The following ARHGEF1 variants were observed in gnomAD, a reference collection of about 807,000 sequenced individuals.
ARHGEF1 encodes Rho guanine nucleotide exchange factor 1.
Under a neutral mutation model 119.7 loss-of-function variants are expected in ARHGEF1, and 40 were observed. The observed-to-expected ratio is 0.33, with a 90% CI of 0.26 to 0.44. The LOEUF (loss-of-function observed/expected upper bound fraction) is 0.44, where lower values mean the gene tolerates loss of function less well. ARHGEF1 is among the 20% of genes least tolerant of loss of function. The probability of loss-of-function intolerance (pLI) is 1.00; values close to 1 mark genes in which losing one functional copy is unlikely to be tolerated. For missense variants in ARHGEF1, 976 were observed against 1,268.3 expected (o/e 0.77, Z 3.50); for synonymous variants, 494 against 521.0 (o/e 0.95, Z 0.71).
rs1050518113 is a variant in ARHGEF1, at chr19:41,883,196, C to T, written c.-113C>T. On this transcript the variant is annotated 5_prime_UTR_variant, in exon 1 of 29. Coordinates refer to ENST00000354532, the MANE Select transcript of ARHGEF1 (RefSeq NM_004706.4). This position sits in a 1 kb window ranked among gnomAD's most constrained non-coding sequence, Gnocchi z 7.6. Reference sequence around the variant, plus strand: ...GGAAAAACGCCCCGACTTCCTGCCCCGCCAGAGCCAGGAAGCGGGAGCCGG... The same window carrying T: ...GGAAAAACGCCCCGACTTCCTGCCCTGCCAGAGCCAGGAAGCGGGAGCCGG... The T allele has an allele frequency of 2.8e-5, 5 of 177,888 alleles. No homozygotes were observed. The highest frequency in any genetic ancestry group is 6.4e-5 in the Admixed American group (1 of 15,514). 11.0% of individuals were successfully genotyped at this position (177,888 alleles called of 1,614,324 possible). A position where few individuals can be genotyped will look rare whatever the true frequency, so the allele number is the denominator to read the frequency against.
Position 41,893,814 on chromosome 19 carries a change from G to A in ARHGEF1, c.645-393G>A, listed in dbSNP as rs182427672. Among the ~76,000 whole-genome samples, 18 of 72,502 alleles carry A rather than the reference G, an allele frequency of 2.5e-4. No individual in the cohort carries two copies. In the African/African-American group the frequency reaches 3.3e-3, roughly 13 times the overall value. 47.6% of individuals were successfully genotyped at this position (72,502 alleles called of 152,430 possible). A position where few individuals can be genotyped will look rare whatever the true frequency, so the allele number is the denominator to read the frequency against. On this transcript the variant is annotated intron_variant, in intron 8 of 28. Coordinates refer to ENST00000354532, the MANE Select transcript of ARHGEF1 (RefSeq NM_004706.4). Reference sequence around the variant, plus strand: ...CTGGACTCCTGGGTCTGAGGGAGGAGGGGGCTGGGGGCCTGGACTCCTGGG... The same window carrying A: ...CTGGACTCCTGGGTCTGAGGGAGGAAGGGGCTGGGGGCCTGGACTCCTGGG...
downstream of ARHGEF1, chr19:41,907,562 T>G (rs1002491757): frequency 3.2e-6 from 2 of 615,604 alleles, no homozygotes; most frequent in African/African-American, 1.9e-5. Flanking sequence ...CTCCAGTTGT[T>G]CATTCATTCA....
At chr19:41,920,500 G>A (rs965023171), upstream of ARHGEF1, among the ~76,000 whole-genome samples, 4 of 143,300 alleles carry the variant, frequency 2.8e-5, no homozygotes, top group East Asian at 2.1e-4. Context: ...CAGACATGAC[G>A]CACTCAGACA....
At chr19:41,896,844 C>CCCCCATCCTCTCTCACCTA in intron 13 of ARHGEF1, 1 of 321,018 alleles carries the variant, frequency 3.1e-6, no homozygotes, top group Non-Finnish European at 6.0e-6. Flanking sequence ...TCTCTCACCT[C>CCCCCATCCTCTCTCACCTA]CCCCCTCCTC....
Position 41,906,326 on chromosome 19 carries a change from C to T in ARHGEF1, c.2492-131C>T, listed in dbSNP as rs1323156629. Reference sequence around the variant, plus strand: ...TTCACCTCCCTTTGGATCCCCGAACCCCATCTGCTCAGCCTTGCCTGGCAC... The same window carrying T: ...TTCACCTCCCTTTGGATCCCCGAACTCCATCTGCTCAGCCTTGCCTGGCAC... On this transcript the variant is annotated intron_variant, in intron 26 of 28. Transcript: ENST00000354532. This position sits in a 1 kb window ranked among gnomAD's most constrained non-coding sequence, Gnocchi z 4.5. 1.1e-6 allele frequency: 1 copy of T among 930,924 alleles called. No homozygotes were observed. The highest frequency in any genetic ancestry group is 1.6e-6 in the Non-Finnish European group (1 of 624,762). The allele number at this position is 930,924 out of a possible 1,614,324, so 57.7% of individuals were successfully genotyped here. A position where few individuals can be genotyped will look rare whatever the true frequency, so the allele number is the denominator to read the frequency against.
chr19:41,908,934 C>T (rs782663179), downstream of ARHGEF1: 650 of 554,096 alleles, frequency 1.2e-3, 5 homozygotes, highest in Admixed American at 4.8e-4. This position sits in a 1 kb window ranked among gnomAD's most constrained non-coding sequence, Gnocchi z 6.7. Flanking sequence ...TTTACACACA[C>T]ACACCCTACA....
At chr19:41,929,371 A>G (rs2074891634) in intron 2 of ARHGEF1, among the ~76,000 whole-genome samples, 1 of 152,122 alleles carries the variant, frequency 6.6e-6, no homozygotes, top group Non-Finnish European at 1.5e-5. Flanking sequence ...ACAAGGTCAC[A>G]GGCACACACA....
chr19:41,902,723 G>C lies in ARHGEF1; in HGVS notation c.1624-61G>C. 6.2e-7 allele frequency: 1 copy of C among 1,613,322 alleles called. No individual in the cohort carries two copies. The highest frequency in any genetic ancestry group is 8.5e-7 in the Non-Finnish European group (1 of 1,179,630). ...GGCCTGGAGACCCAGACTCCTAGGTGCCTGCGCCCTGGGGTGAGCCCAAAG... is the reference window on the plus strand; with the variant it reads ...GGCCTGGAGACCCAGACTCCTAGGTCCCTGCGCCCTGGGGTGAGCCCAAAG... On this transcript the variant is annotated intron_variant, in intron 17 of 28. Coordinates refer to ENST00000354532, the MANE Select transcript of ARHGEF1 (RefSeq NM_004706.4). The surrounding 1 kb of genome is among the most constrained non-coding windows in gnomAD (Gnocchi z 6.5).
intron 18 of ARHGEF1, among the ~76,000 whole-genome samples, chr19:41,913,948 A>T (rs1346779865): frequency 7.3e-6 from 1 of 136,908 alleles, no homozygotes; most frequent in Non-Finnish European, 1.6e-5. Flanking sequence ...CTTCCTGGAG[A>T]CCCCCCAGAC....
At position 41,905,215 on chromosome 19, in the gene ARHGEF1, G is replaced by A; in HGVS notation, c.2290G>A (p.Val764Ile). Residue 764 changes from valine to isoleucine, a missense_variant, in exon 24 of 29, where the codon GTC becomes ATC. Physicochemically the swap from Val to Ile is conservative, Grantham distance 29. Around this residue, in one of 3 missense-constraint regions of ARHGEF1, gnomAD observed 286 missense variants for 506.8 expected, o/e 0.56. Coordinates refer to ENST00000354532, the MANE Select transcript of ARHGEF1 (RefSeq NM_004706.4). This position sits in a 1 kb window ranked among gnomAD's most constrained non-coding sequence, Gnocchi z 6.4. ...LITETAGSLK[V>I]PAPASRPKPR... is the part of the protein sequence containing the mutation. ...CACTGAGACTGCCGGATCCCTGAAA[G>A]TCCCTGCCCCTGCCTCTCGCCCTAA... 1 of 1,614,066 alleles carries A rather than the reference G, an allele frequency of 6.2e-7. No homozygotes were observed. The highest frequency in any genetic ancestry group is 1.7e-4 in the Middle Eastern group (1 of 6,048).
Position 41,914,855 on chromosome 19 carries a change from C to CT in ARHGEF1, c.1865+8052_1865+8053insT, listed in dbSNP as rs2074787498. Among the ~76,000 whole-genome samples, 5 of 48,034 alleles carry CT rather than the reference C, an allele frequency of 1.0e-4. 1 individual carries two copies. The highest frequency in any genetic ancestry group is 3.6e-4 in the Admixed American group (2 of 5,522). 31.5% of individuals were successfully genotyped at this position (48,034 alleles called of 152,430 possible). A position where few individuals can be genotyped will look rare whatever the true frequency, so the allele number is the denominator to read the frequency against. ...CTTTCCACCGTCTCTGTCTCTCCCC[C>CT]CCTCCACCATCTCTGTCTCTCCCTC... On this transcript the variant is annotated intron_variant, in intron 18 of 20. Transcript: ENST00000599589.
downstream of ARHGEF1, among the ~76,000 whole-genome samples, chr19:41,912,254 A>G (rs922026932): frequency 4.6e-5 from 7 of 152,218 alleles, no homozygotes; most frequent in African/African-American, 1.7e-4. Context: ...GAAGTGTGAC[A>G]CAGGGACACA....
chr19:41,907,537 TGCCTCTGC>T, downstream of ARHGEF1: 1 of 816,892 alleles, frequency 1.2e-6, no homozygotes, highest in South Asian at 1.9e-5. Context: ...CCTGGGTCTG[TGCCTCTGC>T]GCCTCCCTCC....
rs782561069 is a variant in ARHGEF1 at position 41,904,919 on chromosome 19, T to C, written c.2162-30T>C. On this transcript the variant is annotated intron_variant, in intron 22 of 28. Transcript: ENST00000354532. This position sits in a 1 kb window ranked among gnomAD's most constrained non-coding sequence, Gnocchi z 8.4. ...GGGCAGGCACTGGGGGGACCTGGGC[T>C]CTGAGCCCCATCTCCCCCTCTCCCT... 1.3e-6 allele frequency: 2 copies of C among 1,589,968 alleles called. No homozygotes were observed. The highest frequency in any genetic ancestry group is 2.2e-5 in the East Asian group (1 of 44,756).
upstream of ARHGEF1, among the ~76,000 whole-genome samples, chr19:41,920,359 GCACAGACATGACATGTT>G (rs1335559089): frequency 1.6e-5 from 2 of 128,396 alleles, no homozygotes; most frequent in Non-Finnish European, 3.2e-5. Context: ...CAGACGTGAC[GCACAGACATGACATGTT>G]CACAGACATG....
upstream of ARHGEF1, among the ~76,000 whole-genome samples, chr19:41,918,587 A>C (rs782387524): frequency 1.3e-5 from 2 of 149,538 alleles, no homozygotes; most frequent in African/African-American, 2.5e-5. Flanking sequence ...CACACAGTAC[A>C]TACACTACCC....
rs781859023 is a variant in ARHGEF1, at chr19:41,892,786, C to T, written c.551C>T (p.Ala184Val). Residue 184 changes from alanine (A) to valine (V), a missense_variant, in exon 7 of 29, where the codon GCC becomes GTC. Transcript: ENST00000354532. The surrounding 1 kb of genome is among the most constrained non-coding windows in gnomAD (Gnocchi z 6.3). ...QLEAWVGRDR[A>V]SYEARERHVA... ...GAGGCTTGGGTTGGGCGGGACCGAG[C>T]CAGCTACGAGGCCCGGGAGCGGCAC... is the stretch of plus-strand genomic sequence containing the variant. 8 of 1,599,894 alleles carry T rather than the reference C, an allele frequency of 5.0e-6. No homozygotes were observed. The African/African-American group carries it at 6.7e-5, about 13-fold the overall frequency.
chr19:41,897,066 C>G lies in ARHGEF1; in HGVS notation c.1121+584C>G, dbSNP rs1555847916. The G allele has an allele frequency of 7.0e-6, 3 of 430,970 alleles. No individual in the cohort carries two copies. In the East Asian group the frequency reaches 2.2e-4, roughly 31 times the overall value. The allele number at this position is 430,970 out of a possible 1,614,324, so 26.7% of individuals were successfully genotyped here. A position where few individuals can be genotyped will look rare whatever the true frequency, so the allele number is the denominator to read the frequency against. ...TTTCATTTTTTCAGCCCTTCCTCCCCTTCTCTTTCAAGCCCCCCTGCCCCC... is the reference window on the plus strand; with the variant it reads ...TTTCATTTTTTCAGCCCTTCCTCCCGTTCTCTTTCAAGCCCCCCTGCCCCC... On this transcript the variant is annotated intron_variant, in intron 13 of 28. Coordinates refer to ENST00000354532, the MANE Select transcript of ARHGEF1 (RefSeq NM_004706.4).
chr19:41,921,613 G>T (rs193116144), upstream of ARHGEF1, among the ~76,000 whole-genome samples: 1 of 152,116 alleles, frequency 6.6e-6, no homozygotes. This position sits in a 1 kb window ranked among gnomAD's most constrained non-coding sequence, Gnocchi z 4.4. Context: ...ACGGGAGAGC[G>T]AGGGCCGCAC....
Sources: gnomAD v4.1 joint callset for allele counts (sites outside exome capture counted in the v4.1 genomes callset) on GRCh38, gnomAD v4.1.1 for gene constraint, gnomAD v4.1.1 regional missense constraint, Gnocchi (gnomAD v3.1) non-coding constraint, MANE v1.5 for transcripts, NCBI Gene and HGNC (gene_info 2026-07-23, HGNC 2026-07-21) for gene names.